RAB3C: variants seen among roughly 807,000 people sequenced by gnomAD.
RAB3C encodes ras-related protein Rab-3C.
Under a neutral mutation model 26.4 loss-of-function variants are expected in RAB3C, and 17 were observed. That is an observed-to-expected ratio of 0.64 (90% CI 0.44 to 0.97). RAB3C has a LOEUF of 0.97. Ranked by LOEUF, RAB3C falls within the 50% of genes least tolerant of loss-of-function variation. The pLI, the probability that RAB3C is intolerant of heterozygous loss-of-function variation, is 0.00. For synonymous variants in RAB3C, 91 were observed against 95.9 expected (o/e 0.95, Z 0.30); for missense variants, 242 against 281.9 (o/e 0.86, Z 1.01).
At chr5:58,738,098 G>T (rs997322857) in intron 3 of RAB3C, among the ~76,000 whole-genome samples, 6 of 152,128 alleles carry the variant, frequency 3.9e-5, no homozygotes, top group Admixed American at 1.3e-4. Flanking sequence ...AACCTGATGG[G>T]AAATGTCTGC....
At chr5:58,766,112 G>A (rs1741897631) in intron 3 of RAB3C, among the ~76,000 whole-genome samples, 2 of 149,660 alleles carry the variant, frequency 1.3e-5, no homozygotes, top group African/African-American at 5.0e-5. Flanking sequence ...CCCAGTTTCA[G>A]GTAATTCTTT....
chr5:58,588,083 A>G (rs1206339475), intron 1 of RAB3C, among the ~76,000 whole-genome samples: 1 of 152,196 alleles, frequency 6.6e-6, no homozygotes, highest in East Asian at 1.9e-4. Context: ...TCAATTTAAT[A>G]TACTTTTAAA....
chr5:58,812,137 T>C (rs949720464), intron 3 of RAB3C, among the ~76,000 whole-genome samples: 5 of 152,044 alleles, frequency 3.3e-5, no homozygotes. Flanking sequence ...AAAACAAACC[T>C]ACTTCTCACA....
intron 2 of RAB3C, among the ~76,000 whole-genome samples, chr5:58,642,416 C>G (rs910259659): frequency 3.9e-5 from 6 of 152,218 alleles, no homozygotes; most frequent in Non-Finnish European, 8.8e-5. Flanking sequence ...CTGTCGACTA[C>G]TCTCCTCACA....
At chr5:58,726,784 C>A (rs112660375) in intron 3 of RAB3C, among the ~76,000 whole-genome samples, 25 of 152,092 alleles carry the variant, frequency 1.6e-4, no homozygotes, top group African/African-American at 6.0e-4. Context: ...GAAAATACTT[C>A]TGACCCTGAT....
intron 2 of RAB3C, among the ~76,000 whole-genome samples, chr5:58,721,151 A>G (rs1740743678): frequency 6.6e-6 from 1 of 151,622 alleles, no homozygotes; most frequent in Non-Finnish European, 1.5e-5. Context: ...CAGATATTCA[A>G]GTATTTGTTA....
chr5:58,796,122 TA>T (rs531212758), intron 3 of RAB3C, among the ~76,000 whole-genome samples: 190 of 152,254 alleles, frequency 1.2e-3, no homozygotes, highest in African/African-American at 4.5e-3. Flanking sequence ...AGGTGGGAAA[TA>T]AAAATCTAAC....
chr5:58,755,694 CAG>C (rs1741640199), intron 3 of RAB3C, among the ~76,000 whole-genome samples: 1 of 152,212 alleles, frequency 6.6e-6, no homozygotes, highest in Non-Finnish European at 1.5e-5. Flanking sequence ...AGGGGCAGGT[CAG>C]AGTCTCTCTC....
At chr5:58,802,249 G>A (rs937760396) in intron 3 of RAB3C, among the ~76,000 whole-genome samples, 2 of 152,118 alleles carry the variant, frequency 1.3e-5, no homozygotes, top group African/African-American at 4.8e-5. Context: ...GCTTCTTATT[G>A]TTATATTATT....
In RAB3C at chr5:58,694,083, G is replaced by T. The variant is rs182483189; in HGVS notation, c.253-31919G>T. 1.4e-3 allele frequency among the ~76,000 whole-genome samples: 215 copies of T among 151,982 alleles called. 1 individual carries two copies. The highest frequency in any genetic ancestry group is 4.9e-3 in the African/African-American group (202 of 41,456). On this transcript the variant is annotated intron_variant, in intron 2 of 4. Coordinates refer to ENST00000282878, the MANE Select transcript of RAB3C (RefSeq NM_138453.4). ...TTCTCCTAATGCTATCGCTCCCCCA[G>T]CCCCTCCACCCCCACAACAGGCCCT...
intron 2 of RAB3C, among the ~76,000 whole-genome samples, chr5:58,655,543 A>G (rs1747750539): frequency 6.6e-6 from 1 of 152,206 alleles, no homozygotes; most frequent in Non-Finnish European, 1.5e-5. Flanking sequence ...CTAGGTCATT[A>G]TGAAAGGTAA....
chr5:58,685,300 C>T (rs2111847943), intron 2 of RAB3C, among the ~76,000 whole-genome samples: 1 of 152,242 alleles, frequency 6.6e-6, no homozygotes, highest in South Asian at 2.1e-4. Flanking sequence ...TGCATTCGTT[C>T]TGGAGGTTCC....
At chr5:58,696,466 T>G (rs1284071676) in intron 2 of RAB3C, among the ~76,000 whole-genome samples, 1 of 152,244 alleles carries the variant, frequency 6.6e-6, no homozygotes, top group Admixed American at 6.5e-5. Flanking sequence ...TTCCCTCTTT[T>G]TCTATTGATT....
Position 58,851,313 on chromosome 5 carries a change from G to A in RAB3C, c.646G>A (p.Glu216Lys), listed in dbSNP as rs777527914. The change falls in exon 5 of 5, where the codon GAA becomes AAA. Residue 216 changes from glutamate to lysine, a missense_variant. Transcript: ENST00000282878. The part of the protein sequence containing the change: ...TAAKQNTRLK[E>K]TPPPPQPNCA... ...TGCAAAGCAGAACACGAGACTCAAG[G>A]AAACTCCTCCTCCACCGCAGCCCAA... is the stretch of plus-strand genomic sequence containing the variant. The A allele has an allele frequency of 5.6e-5, 91 of 1,611,394 alleles. No homozygotes were observed. Among genetic ancestry groups the A allele is most frequent in the Non-Finnish European group, 7.4e-5 (87 of 1,179,174 alleles).
At chr5:58,732,105 T>C (rs943051178) in intron 3 of RAB3C, among the ~76,000 whole-genome samples, 2 of 151,202 alleles carry the variant, frequency 1.3e-5, no homozygotes, top group Non-Finnish European at 2.9e-5. Flanking sequence ...TTTTGTTTTT[T>C]TTTTTTAAAT....
intron 2 of RAB3C, among the ~76,000 whole-genome samples, chr5:58,622,211 G>A (rs185823246): frequency 2.0e-4 from 31 of 152,170 alleles, no homozygotes; most frequent in African/African-American, 6.7e-4. Flanking sequence ...CACTTAATAA[G>A]TCCTGGAGCG....
chr5:58,732,027 G>C (rs1262469560), intron 3 of RAB3C, among the ~76,000 whole-genome samples: 1 of 151,996 alleles, frequency 6.6e-6, no homozygotes, highest in East Asian at 1.9e-4. Flanking sequence ...AGTCCAGGAA[G>C]ATCTGAGGGG....
chr5:58,702,839 A>G (rs1748875302), intron 2 of RAB3C, among the ~76,000 whole-genome samples: 1 of 152,008 alleles, frequency 6.6e-6, no homozygotes, highest in Non-Finnish European at 1.5e-5. Context: ...ACACATTTTC[A>G]GTTAATCTTT....
chr5:58,757,483 G>A lies in RAB3C; in HGVS notation c.371+31363G>A, dbSNP rs986886888. Among the ~76,000 whole-genome samples, 6 of 152,280 alleles carry A rather than the reference G, an allele frequency of 3.9e-5. No individual in the cohort carries two copies. In the East Asian group the frequency reaches 5.8e-4, roughly 15 times the overall value. On this transcript the variant is annotated intron_variant, in intron 3 of 4. Transcript: ENST00000282878. ...ACTTTTTTTTAATGAAACATTTCCC[G>A]TTTGGGGTTTTTTAGATAGCCTTTC... is the stretch of plus-strand genomic sequence containing the variant.
Sources: gnomAD v4.1 joint callset for allele counts (sites outside exome capture counted in the v4.1 genomes callset) on GRCh38, gnomAD v4.1.1 for gene constraint, MANE v1.5 for transcripts, NCBI Gene and HGNC (gene_info 2026-07-23, HGNC 2026-07-21) for gene names.